ENTREP1: variants seen among roughly 807,000 people sequenced by gnomAD.
ENTREP1 encodes the protein endosomal transmembrane epsin interactor 1.
At chr9:69,334,968 C>T in the ENTREP1 span, among the ~76,000 whole-genome samples, 1 of 152,058 alleles carries the variant, frequency 6.6e-6, no homozygotes, top group East Asian at 1.9e-4. Flanking sequence ...CCATGTTGTC[C>T]AGGCTGGTCT....
the ENTREP1 span, among the ~76,000 whole-genome samples, chr9:69,368,064 AATTT>A: frequency 1.4e-4 from 21 of 148,232 alleles, no homozygotes; most frequent in African/African-American, 5.2e-4. Flanking sequence ...GAGACTACTG[AATTT>A]ATTTATCAGA....
At chr9:69,340,666 C>CATGTGTGTGTGTGT in the ENTREP1 span, among the ~76,000 whole-genome samples, 4 of 108,646 alleles carry the variant, frequency 3.7e-5, no homozygotes, top group Admixed American at 9.4e-5. Flanking sequence ...TGTGTGTGTG[C>CATGTGTGTGTGTGT]GTGTGTGTGT....
At chr9:69,358,660 G>C in the ENTREP1 span, among the ~76,000 whole-genome samples, 1 of 152,132 alleles carries the variant, frequency 6.6e-6, no homozygotes, top group Non-Finnish European at 1.5e-5. Context: ...AGCACCTTTT[G>C]AAGTAAAAGT....
chr9:69,365,898 A>C, the ENTREP1 span, among the ~76,000 whole-genome samples: 1 of 152,166 alleles, frequency 6.6e-6, no homozygotes, highest in Non-Finnish European at 1.5e-5. Flanking sequence ...CAATGTGTAT[A>C]TATACCATAT....
At chr9:69,339,318 G>A in the ENTREP1 span, among the ~76,000 whole-genome samples, 9 of 152,220 alleles carry the variant, frequency 5.9e-5, no homozygotes, top group Admixed American at 2.0e-4. Flanking sequence ...ACTATGCCTG[G>A]CTCATATGAA....
the ENTREP1 span, among the ~76,000 whole-genome samples, chr9:69,354,338 CCT>C: frequency 3.4e-5 from 5 of 145,356 alleles, no homozygotes; most frequent in African/African-American, 1.3e-4. Flanking sequence ...CTCACGGCAA[CCT>C]CTGTTTCCTG....
chr9:69,336,205 C>T, the ENTREP1 span: 2 of 1,496,324 alleles, frequency 1.3e-6, no homozygotes, highest in South Asian at 2.4e-5. Flanking sequence ...GATAGTTTAT[C>T]CTTACAGGTG....
the ENTREP1 span, among the ~76,000 whole-genome samples, chr9:69,378,176 T>C: frequency 6.6e-6 from 1 of 152,114 alleles, no homozygotes; most frequent in Admixed American, 6.6e-5. Context: ...TTTGACATGA[T>C]TGAGAGTCGC....
the ENTREP1 span, among the ~76,000 whole-genome samples, chr9:69,362,991 C>T: frequency 6.6e-6 from 1 of 152,164 alleles, no homozygotes; most frequent in Non-Finnish European, 1.5e-5. Context: ...CTTTATATAT[C>T]AATCTATCCT....
chr9:69,366,996 A>G, the ENTREP1 span, among the ~76,000 whole-genome samples: 1 of 152,034 alleles, frequency 6.6e-6, no homozygotes, highest in South Asian at 2.1e-4. Context: ...AGCTCACTAT[A>G]GCCTTGATTT....
At chr9:69,328,661 T>A in the ENTREP1 span, among the ~76,000 whole-genome samples, 1 of 149,782 alleles carries the variant, frequency 6.7e-6, no homozygotes, top group Non-Finnish European at 1.5e-5. Context: ...AAGGTTTCTA[T>A]AAAAAAAAAA....
At chr9:69,349,626 C>T in the ENTREP1 span, among the ~76,000 whole-genome samples, 2 of 152,150 alleles carry the variant, frequency 1.3e-5, no homozygotes, top group Non-Finnish European at 2.9e-5. Flanking sequence ...TTATGAGTCC[C>T]TTATCAGATA....
At chr9:69,328,248 GA>G in the ENTREP1 span, among the ~76,000 whole-genome samples, 1 of 152,106 alleles carries the variant, frequency 6.6e-6, no homozygotes, top group Non-Finnish European at 1.5e-5. Flanking sequence ...GTCCATTTGT[GA>G]GATTAAATTC....
chr9:69,361,822 G>T, the ENTREP1 span, among the ~76,000 whole-genome samples: 3 of 151,990 alleles, frequency 2.0e-5, no homozygotes, highest in African/African-American at 7.2e-5. Flanking sequence ...TTGAGTTTTG[G>T]CTTTCTTCAT....
At chr9:69,381,717 C>CCCTT in the ENTREP1 span, 1 of 152,200 alleles carries the variant, frequency 6.6e-6, no homozygotes. Flanking sequence ...CCTCCACAGA[C>CCCTT]CCTTGTTAAC....
chr9:69,377,740 C>A, the ENTREP1 span: 2 of 1,610,936 alleles, frequency 1.2e-6, no homozygotes, highest in Non-Finnish European at 1.7e-6. Context: ...CCGGATGAAC[C>A]GCAGGTATCG....
the ENTREP1 span, among the ~76,000 whole-genome samples, chr9:69,344,590 T>C: frequency 1.5e-3 from 235 of 152,254 alleles, no homozygotes; most frequent in African/African-American, 5.3e-3. Context: ...AGTGGGGCCC[T>C]GCCTCTGGCA....
At chr9:69,360,900 A>C in the ENTREP1 span, among the ~76,000 whole-genome samples, 4 of 8,798 alleles carry the variant, frequency 4.5e-4, no homozygotes, top group South Asian at 0.01. Context: ...GTAAATTGCA[A>C]AAAAAAAAAG....
At chr9:69,371,499 G>A in the ENTREP1 span, 1 of 1,608,020 alleles carries the variant, frequency 6.2e-7, no homozygotes, top group South Asian at 1.1e-5. Flanking sequence ...GCCATTTCAG[G>A]TAAACCTCTT....
Sources: gnomAD v4.1 joint callset for allele counts (sites outside exome capture counted in the v4.1 genomes callset) on GRCh38, gnomAD v4.1.1 for gene constraint, MANE v1.5 for transcripts, NCBI Gene and HGNC (gene_info 2026-07-23, HGNC 2026-07-21) for gene names.